The following SLC4A5 variants were observed in gnomAD, a reference collection of about 807,000 sequenced individuals.
SLC4A5 encodes the protein solute carrier family 4 member 5.
A neutral mutation model predicts 120.4 loss-of-function variants in SLC4A5; 96 were observed. The observed-to-expected ratio is 0.80, with a 90% CI of 0.68 to 0.94. SLC4A5 has a LOEUF of 0.94. Ranked by LOEUF, SLC4A5 falls within the 40% of genes least tolerant of loss-of-function variation. SLC4A5 has a pLI of 0.00. For synonymous variants in SLC4A5, 550 were observed against 571.1 expected (o/e 0.96, Z 0.53); for missense variants, 1,259 against 1,459.5 (o/e 0.86, Z 2.24).
intron 26 of SLC4A5, 65 bp from the exon 27 acceptor site, chr2:74,227,195 A>G: frequency 1.3e-5 from 20 of 1,499,486 alleles, no homozygotes; most frequent in Non-Finnish European, 1.7e-5. Flanking sequence ...TCCTGGGACT[A>G]GGGGAAGGGG....
intron 2 of SLC4A5, among the ~76,000 whole-genome samples, chr2:74,341,850 G>T (rs961672723): frequency 1.3e-5 from 2 of 152,172 alleles, no homozygotes; most frequent in Non-Finnish European, 2.9e-5. Context: ...GTAAGGAGAG[G>T]AAGGCTAAGA....
In SLC4A5 at chr2:74,253,210, A is replaced by G. The variant is rs1670850356; in HGVS notation, c.1114-82T>C. On this transcript the variant is annotated intron_variant, in intron 14 of 30. Transcript: ENST00000394019. Reference sequence around the variant, plus strand: ...GGAGCATATCACATCTAGTTTTTAAAGGAATCCCTTTGAACCACATCTCCC... The same window carrying G: ...GGAGCATATCACATCTAGTTTTTAAGGGAATCCCTTTGAACCACATCTCCC... 18 of 1,539,400 alleles carry G rather than the reference A, an allele frequency of 1.2e-5. No homozygotes were observed. In the Middle Eastern group the frequency reaches 8.5e-4, roughly 72 times the overall value.
At chr2:74,275,885 C>T (rs3771727) in intron 8 of SLC4A5, among the ~76,000 whole-genome samples, 52,466 of 152,030 alleles carry the variant, frequency 0.35, 12,958 homozygotes, top group East Asian at 0.75. Context: ...TCATGCAGCT[C>T]ATAAGAGACA....
intron 6 of SLC4A5, chr2:74,306,648 ATTTCTT>A: frequency 2.0e-6 from 1 of 498,724 alleles, no homozygotes; most frequent in Non-Finnish European, 3.2e-6. Flanking sequence ...TTGATAGTTC[ATTTCTT>A]TTTTTTTTTT....
Position 74,338,768 on chromosome 2 carries a change from C to T in SLC4A5, c.-221+87G>A, listed in dbSNP as rs1272799566. ...GGCAGAGGTTGTGGTGAGCCCAGAT[C>T]GTGCCACTGCACTCCAGCCTAGGTG... On this transcript the variant is annotated intron_variant, in intron 3 of 30. Transcript: ENST00000394019. The T allele has an allele frequency of 2.0e-5, 3 of 152,294 alleles. No individual in the cohort carries two copies. The East Asian group carries it at 5.8e-4, about 29-fold the overall frequency. 9.4% of individuals were successfully genotyped at this position (152,294 alleles called of 1,614,324 possible).
At chr2:74,292,838 T>C (rs1358702350) in intron 7 of SLC4A5, among the ~76,000 whole-genome samples, 3 of 152,090 alleles carry the variant, frequency 2.0e-5, no homozygotes, top group Non-Finnish European at 4.4e-5. Flanking sequence ...TCAGACATTC[T>C]CTCTCTCATC....
At chr2:74,248,212 C>T (rs1020218302) in intron 18 of SLC4A5, 141 bp downstream of exon 18, 13 of 1,178,918 alleles carry the variant, frequency 1.1e-5, no homozygotes, top group Non-Finnish European at 1.2e-6. Context: ...GAGGGGCCAC[C>T]TGGTAGCCCT....
chr2:74,337,179 A>T (rs1187234344), intron 3 of SLC4A5, among the ~76,000 whole-genome samples: 1 of 152,136 alleles, frequency 6.6e-6, no homozygotes, highest in Non-Finnish European at 1.5e-5. Context: ...CATCCCTCAC[A>T]ATCTGTGGAT....
chr2:74,233,378 C>T (rs1558869145), intron 23 of SLC4A5, 24 bp downstream of exon 23: 1 of 1,612,952 alleles, frequency 6.2e-7, no homozygotes, highest in Non-Finnish European at 8.5e-7. Context: ...GAGGTTATGC[C>T]TCTGCTCCTA....
rs75099629 is a variant in SLC4A5 at position 74,334,133 on chromosome 2, A to C, written c.-176T>G. On this transcript the variant is annotated 5_prime_UTR_variant, in exon 4 of 31. An upstream start codon of the reference 5' UTR is lost. Transcript: ENST00000394019. ...TGTCTGCTTTAGCTGTTTCTGAACC[A>C]TGTCCAGGGTTGAGAAGGGAACATA... 2 of 152,212 alleles carry C rather than the reference A, an allele frequency of 1.3e-5. No individual in the cohort carries two copies. The highest frequency in any genetic ancestry group is 2.9e-5 in the Non-Finnish European group (2 of 68,070). The allele number at this position is 152,212 out of a possible 1,614,324, so 9.4% of individuals were successfully genotyped here. A position where few individuals can be genotyped will look rare whatever the true frequency, so the allele number is the denominator to read the frequency against.
intron 5 of SLC4A5, 111 bp downstream of exon 5, chr2:74,328,009 A>G: frequency 2.2e-6 from 1 of 446,924 alleles, no homozygotes; most frequent in African/African-American, 2.1e-5. Context: ...TCTCCTCTTC[A>G]GTGTGTGTGA....
chr2:74,289,782 C>T (rs1390018048), intron 7 of SLC4A5, among the ~76,000 whole-genome samples: 1 of 151,974 alleles, frequency 6.6e-6, no homozygotes, highest in Non-Finnish European at 1.5e-5. Flanking sequence ...TTCTGAGGGG[C>T]CATACCAATT....
chr2:74,304,947 C>T (rs1295741895), intron 6 of SLC4A5, among the ~76,000 whole-genome samples: 3 of 152,106 alleles, frequency 2.0e-5, no homozygotes, highest in Admixed American at 6.5e-5. Flanking sequence ...CTTGCTTGTC[C>T]GGAACAGTGA....
exon 5 of SLC4A5, chr2:74,328,174 A>G: frequency 1.0e-6 from 1 of 985,856 alleles, no homozygotes; most frequent in Non-Finnish European, 1.2e-6. Context: ...GGCCAGAACC[A>G]CTTGCTCTGT....
intron 8 of SLC4A5, among the ~76,000 whole-genome samples, chr2:74,284,777 C>T (rs1671928890): frequency 6.6e-6 from 1 of 152,136 alleles, no homozygotes; most frequent in Non-Finnish European, 1.5e-5. Flanking sequence ...CCTCCCTTGG[C>T]TCCTGCGACT....
intron 17 of SLC4A5, among the ~76,000 whole-genome samples, chr2:74,250,021 A>T (rs1434305406): frequency 6.6e-6 from 1 of 152,142 alleles, no homozygotes; most frequent in Non-Finnish European, 1.5e-5. Context: ...CACAATTAGC[A>T]CTCCATTAAT....
chr2:74,332,466 A>G (rs1310273698), intron 4 of SLC4A5, among the ~76,000 whole-genome samples: 1 of 152,126 alleles, frequency 6.6e-6, no homozygotes, highest in Non-Finnish European at 1.5e-5. Context: ...CCCATATACC[A>G]GCTCCTCATG....
intron 28 of SLC4A5, 55 bp from the exon 29 acceptor site, chr2:74,223,007 CTTTTTT>C: frequency 2.2e-6 from 2 of 920,794 alleles, no homozygotes; most frequent in Non-Finnish European, 1.6e-6. Context: ...ATTTGGCTTT[CTTTTTT>C]TTTTTTTTTG....
chr2:74,271,524 G>T (rs1007404427), intron 8 of SLC4A5, among the ~76,000 whole-genome samples: 1 of 151,948 alleles, frequency 6.6e-6, no homozygotes, highest in Non-Finnish European at 1.5e-5. Flanking sequence ...ATTAATTCAG[G>T]CTCAGTGCCT....
Sources: gnomAD v4.1 joint callset for allele counts (sites outside exome capture counted in the v4.1 genomes callset) on GRCh38, gnomAD v4.1.1 for gene constraint, MANE v1.5 for transcripts, NCBI Gene and HGNC (gene_info 2026-07-23, HGNC 2026-07-21) for gene names.